MYOCD: variants seen among roughly 807,000 people sequenced by gnomAD.
MYOCD encodes myocardin.
In MYOCD, 32 loss-of-function variants were observed where a neutral mutation model predicts 96.1. That is an observed-to-expected ratio of 0.33 (90% CI 0.25 to 0.45). MYOCD has a LOEUF of 0.45. Ranked by LOEUF, MYOCD falls within the 20% of genes least tolerant of loss-of-function variation. MYOCD has a pLI of 1.00. For synonymous variants in MYOCD, 469 were observed against 469.0 expected, an observed-to-expected ratio of 1.00 and a Z score of 0.00; for missense variants, 1,133 against 1,200.6, an observed-to-expected ratio of 0.94 and a Z score of 0.83.
intron 1 of MYOCD, among the ~76,000 whole-genome samples, chr17:12,694,310 C>T (rs769875807): frequency 3.1e-4 from 47 of 152,238 alleles, no homozygotes; most frequent in Middle Eastern, 6.8e-3. Context: ...GCCCAGAGAG[C>T]AAGGTAGCTT....
At chr17:12,709,484 T>G (rs2031412430) in intron 2 of MYOCD, among the ~76,000 whole-genome samples, 1 of 152,202 alleles carries the variant, frequency 6.6e-6, no homozygotes, top group Non-Finnish European at 1.5e-5. Context: ...CTGGAACAAC[T>G]TAAGGGTTCT....
At chr17:12,726,287 ATGT>A (rs879865923) in intron 5 of MYOCD, among the ~76,000 whole-genome samples, 1 of 152,130 alleles carries the variant, frequency 6.6e-6, no homozygotes, top group Non-Finnish European at 1.5e-5. Context: ...CTCAACTCTG[ATGT>A]TGTAGCAGGA....
In MYOCD at chr17:12,736,179, C is replaced by A. The variant is rs755521955; in HGVS notation, c.434C>A (p.Ser145Tyr). 2 of 1,614,006 alleles carry A rather than the reference C, an allele frequency of 1.2e-6. No individual in the cohort carries two copies. ...EAIKGNQVSF[S>Y]KSTDAFAFEE... Reference sequence around the variant, plus strand: ...CCCTCAGGTAACCAGGTGAGTTTCTCCAAATCCACGGATGCTTTTGCCTTT... The same window carrying A: ...CCCTCAGGTAACCAGGTGAGTTTCTACAAATCCACGGATGCTTTTGCCTTT... Residue 145 changes from serine to tyrosine, a missense_variant, in exon 6 of 14, where the codon TCC (serine) becomes TAC (tyrosine). Physicochemically the swap from Ser to Tyr is moderately radical, Grantham distance 144 (BLOSUM62 -2). Transcript: ENST00000425538.
chr17:12,754,016 G>A (rs1320579645), intron 10 of MYOCD, among the ~76,000 whole-genome samples: 2 of 151,768 alleles, frequency 1.3e-5, no homozygotes, highest in African/African-American at 2.4e-5. Context: ...AGTTAATTAT[G>A]TACTATATTA....
At chr17:12,714,389 T>A (rs1597772964) in intron 2 of MYOCD, among the ~76,000 whole-genome samples, 1 of 147,088 alleles carries the variant, frequency 6.8e-6, no homozygotes, top group East Asian at 2.1e-4. Flanking sequence ...ACCTAATTTT[T>A]GTGCTGGCCA....
At chr17:12,755,084 T>C (rs1246762716) in intron 10 of MYOCD, among the ~76,000 whole-genome samples, 1 of 152,212 alleles carries the variant, frequency 6.6e-6, no homozygotes, top group Non-Finnish European at 1.5e-5. Context: ...CAATGAATGA[T>C]GTCTACTACC....
chr17:12,729,447 T>C (rs1427911532), intron 5 of MYOCD, among the ~76,000 whole-genome samples: 1 of 151,918 alleles, frequency 6.6e-6, no homozygotes, highest in African/African-American at 2.4e-5. Flanking sequence ...CAGGCATCAT[T>C]GAGAGGTGGG....
At chr17:12,708,417 A>C (rs920391496) in intron 2 of MYOCD, among the ~76,000 whole-genome samples, 17 of 151,474 alleles carry the variant, frequency 1.1e-4, no homozygotes, top group South Asian at 2.1e-4. Context: ...TTTTTGAGAC[A>C]GAGTCTCACT....
At position 12,765,262 on chromosome 17, in the gene MYOCD, C is replaced by T; in HGVS notation, c.*1618C>T. The T allele has an allele frequency of 6.7e-6, 1 of 149,624 alleles. No homozygotes were observed. The highest frequency in any genetic ancestry group is 6.7e-5 in the Admixed American group (1 of 14,984). The allele number at this position is 149,624 out of a possible 1,614,324, so 9.3% of individuals were successfully genotyped here. A position where few individuals can be genotyped will look rare whatever the true frequency, so the allele number is the denominator to read the frequency against. ...TGCATGCTGTAGAAAGGAGCTATTG[C>T]TGTTGTTTTGTTTTTTTATTTAAAT... On this transcript the variant is annotated 3_prime_UTR_variant, in exon 14 of 14. Transcript: ENST00000425538.
At chr17:12,731,065 G>A (rs899289440) in intron 5 of MYOCD, among the ~76,000 whole-genome samples, 2 of 152,206 alleles carry the variant, frequency 1.3e-5, no homozygotes, top group Non-Finnish European at 2.9e-5. Context: ...AGAGGATGAT[G>A]TCAGGGCTTC....
At chr17:12,709,917 G>C (rs541061001) in intron 2 of MYOCD, among the ~76,000 whole-genome samples, 1 of 152,012 alleles carries the variant, frequency 6.6e-6, no homozygotes, top group South Asian at 2.1e-4. Context: ...TATTCCAACC[G>C]CTTCTGAAGA....
rs1442653467 is a variant in MYOCD, at chr17:12,745,210, T to C, written c.972-709T>C. ...TTTTTTTTAAATATATTTATTTATT[T>C]ATTCATTTATTTTTTCGAGATGGAG... On this transcript the variant is annotated intron_variant, in intron 8 of 13. Coordinates refer to ENST00000425538, the MANE Select transcript of MYOCD (RefSeq NM_001146312.3). 3.3e-5 allele frequency among the ~76,000 whole-genome samples: 5 copies of C among 152,234 alleles called. No homozygotes were observed. The East Asian group carries it at 5.8e-4, about 18-fold the overall frequency.
chr17:12,758,729 A>T (rs1567602867), intron 12 of MYOCD, among the ~76,000 whole-genome samples: 1 of 152,174 alleles, frequency 6.6e-6, no homozygotes, highest in Non-Finnish European at 1.5e-5. Flanking sequence ...TGGATTTGGA[A>T]AGTCTCAAAA....
chr17:12,720,556 C>G (rs932067732), intron 4 of MYOCD: 5 of 152,008 alleles, frequency 3.3e-5, no homozygotes, highest in African/African-American at 1.2e-4. Context: ...GTTTACAGGA[C>G]AATGTTTAGG....
intron 8 of MYOCD, 54 bp downstream of exon 8, chr17:12,744,490 C>G: frequency 6.5e-7 from 1 of 1,536,090 alleles, no homozygotes; most frequent in Non-Finnish European, 8.8e-7. Flanking sequence ...GGAAGGGTGT[C>G]TATTAATATC....
At chr17:12,752,278 A>G in intron 9 of MYOCD, 136 bp from the exon 10 acceptor site, 1 of 718,694 alleles carries the variant, frequency 1.4e-6, no homozygotes, top group Non-Finnish European at 2.3e-6. Flanking sequence ...TAGGAGAGGA[A>G]ATCGGAAAGA....
At chr17:12,675,870 C>T (rs568475218) in intron 1 of MYOCD, among the ~76,000 whole-genome samples, 22 of 152,188 alleles carry the variant, frequency 1.4e-4, no homozygotes, top group Admixed American at 1.2e-3. Flanking sequence ...ATCAATCAAT[C>T]AATCAATCAA....
At chr17:12,691,376 G>C (rs144251264) in intron 1 of MYOCD, among the ~76,000 whole-genome samples, 1 of 152,168 alleles carries the variant, frequency 6.6e-6, no homozygotes, top group Non-Finnish European at 1.5e-5. Context: ...CCATGGCAAC[G>C]TCTCCATGTG....
chr17:12,742,108 C>G (rs141874325), intron 7 of MYOCD, among the ~76,000 whole-genome samples: 1 of 152,180 alleles, frequency 6.6e-6, no homozygotes, highest in East Asian at 1.9e-4. Flanking sequence ...CAGAATGAGG[C>G]GACAACAGCA....
Sources: gnomAD v4.1 joint callset for allele counts (sites outside exome capture counted in the v4.1 genomes callset) on GRCh38, gnomAD v4.1.1 for gene constraint, MANE v1.5 for transcripts, NCBI Gene and HGNC (gene_info 2026-07-23, HGNC 2026-07-21) for gene names.